Variants in MPPED2 observed in about 807,000 individuals in gnomAD.
MPPED2 encodes metallophosphoesterase domain containing 2.
Under a neutral mutation model 33.0 loss-of-function variants are expected in MPPED2, and 5 were observed. The observed-to-expected ratio is 0.15, with a 90% CI of 0.08 to 0.32. MPPED2 has a LOEUF of 0.32. Among genes scored for constraint, MPPED2 ranks in the 10% least tolerant of loss-of-function variants. The pLI, the probability that MPPED2 is intolerant of heterozygous loss-of-function variation, is 1.00. For synonymous variants in MPPED2, 136 were observed against 141.9 expected (o/e 0.96, Z 0.29); for missense variants, 275 against 372.1 (o/e 0.74, Z 2.15).
intron 4 of MPPED2, among the ~76,000 whole-genome samples, chr11:30,471,745 G>A (rs576955017): frequency 3.3e-5 from 5 of 152,272 alleles, no homozygotes; most frequent in South Asian, 2.1e-4. Flanking sequence ...GTGAGCAGGC[G>A]TTCGATAAAT....
intron 2 of MPPED2, among the ~76,000 whole-genome samples, chr11:30,575,405 C>T (rs1753787266): frequency 6.6e-6 from 1 of 152,094 alleles, no homozygotes; most frequent in Non-Finnish European, 1.5e-5. Context: ...ATGCTCACAA[C>T]CATATTAAAG....
chr11:30,478,646 T>C (rs570066997), intron 4 of MPPED2, among the ~76,000 whole-genome samples: 1 of 152,270 alleles, frequency 6.6e-6, no homozygotes, highest in Admixed American at 6.5e-5. Flanking sequence ...ATCCCCATCT[T>C]GTTCCTGGAC....
At chr11:30,505,484 T>A (rs765727506) in intron 3 of MPPED2, among the ~76,000 whole-genome samples, 1 of 152,188 alleles carries the variant, frequency 6.6e-6, no homozygotes, top group Non-Finnish European at 1.5e-5. Flanking sequence ...CCAATTATAT[T>A]CCAGTATTGC....
chr11:30,401,190 T>C (rs997567276), intron 6 of MPPED2, among the ~76,000 whole-genome samples: 2 of 152,200 alleles, frequency 1.3e-5, no homozygotes, highest in African/African-American at 4.8e-5. Flanking sequence ...TGACTGTGTG[T>C]TATAGGATAG....
intron 6 of MPPED2, among the ~76,000 whole-genome samples, chr11:30,404,416 A>G (rs1947956830): frequency 6.6e-6 from 1 of 152,226 alleles, no homozygotes; most frequent in Non-Finnish European, 1.5e-5. Flanking sequence ...AAACCATTTC[A>G]TAGAGTAAAT....
intron 4 of MPPED2, among the ~76,000 whole-genome samples, chr11:30,453,846 G>T (rs1441193008): frequency 6.6e-6 from 1 of 152,132 alleles, no homozygotes; most frequent in African/African-American, 2.4e-5. Flanking sequence ...TCTTTCTGAG[G>T]CTGGCTTTGC....
chr11:30,403,119 C>T (rs1376073705), intron 6 of MPPED2, among the ~76,000 whole-genome samples: 1 of 152,068 alleles, frequency 6.6e-6, no homozygotes, highest in Non-Finnish European at 1.5e-5. Context: ...TGGTGGCGGG[C>T]AGCTGTAGTC....
At chr11:30,388,090 C>T (rs1246233339) in exon 7 of MPPED2, 1 of 152,398 alleles carries the variant, frequency 6.6e-6, no homozygotes, top group Non-Finnish European at 1.5e-5. Flanking sequence ...ACTTGGGATG[C>T]TTTGGGAAGG....
Position 30,411,548 on chromosome 11 carries a change from T to G in MPPED2, c.805A>C (p.Asn269His), listed in dbSNP as rs986245125. The G allele has an allele frequency of 2.5e-6, 4 of 1,613,704 alleles. No individual in the cohort carries two copies. The African/African-American group carries it at 5.3e-5, about 22-fold the overall frequency. Reference sequence around the variant, plus strand: ...AAGCTGACTGTACACGTCGAGGCATTGATGTACGTTGTGTAACCGTCGGTC... The same window carrying G: ...AAGCTGACTGTACACGTCGAGGCATGGATGTACGTTGTGTAACCGTCGGTC... Reference protein sequence around the residue: ...IMTDGYTTYINASTCTVSFQP... With the variant: ...IMTDGYTTYIHASTCTVSFQP... Residue 269 changes from asparagine to histidine, a missense_variant, in exon 7 of 7, where the codon AAT (asparagine) becomes CAT (histidine). Transcript: ENST00000358117.
At chr11:30,406,240 T>G (rs1038504861), downstream of MPPED2, among the ~76,000 whole-genome samples, 1 of 152,224 alleles carries the variant, frequency 6.6e-6, no homozygotes, top group African/African-American at 2.4e-5. Context: ...TGGCAGCTGG[T>G]CCTGTGCTAC....
At chr11:30,559,202 T>C (rs761938496) in intron 2 of MPPED2, among the ~76,000 whole-genome samples, 5 of 152,276 alleles carry the variant, frequency 3.3e-5, no homozygotes, top group Non-Finnish European at 5.9e-5. Context: ...TATGTAATTC[T>C]ATGCCCTAAA....
chr11:30,385,745 A>G (rs1271696328), exon 7 of MPPED2: 1 of 151,998 alleles, frequency 6.6e-6, no homozygotes, highest in Non-Finnish European at 1.5e-5. Context: ...TGTACCTGCT[A>G]TATTCTCTGC....
intron 4 of MPPED2, among the ~76,000 whole-genome samples, chr11:30,487,837 TA>T (rs1046547333): frequency 1.2e-4 from 19 of 152,160 alleles, no homozygotes; most frequent in Admixed American, 6.5e-5. Context: ...TCAATGATCC[TA>T]TTTTCCCCTA....
intron 4 of MPPED2, among the ~76,000 whole-genome samples, chr11:30,433,301 T>C (rs538006256): frequency 4.6e-5 from 7 of 152,350 alleles, no homozygotes; most frequent in Admixed American, 6.5e-5. Flanking sequence ...GCCTGTTTGA[T>C]GTAATGGATC....
At chr11:30,469,564 T>TA (rs921308684) in intron 4 of MPPED2, among the ~76,000 whole-genome samples, 2 of 152,198 alleles carry the variant, frequency 1.3e-5, no homozygotes, top group Non-Finnish European at 2.9e-5. Flanking sequence ...TCCTATTAAG[T>TA]ACATTACTAT....
chr11:30,406,013 T>C (rs1223698441), downstream of MPPED2, among the ~76,000 whole-genome samples: 6 of 152,222 alleles, frequency 3.9e-5, no homozygotes, highest in African/African-American at 9.6e-5. Flanking sequence ...CATACACATG[T>C]ATGTCAAAAC....
intron 4 of MPPED2, among the ~76,000 whole-genome samples, chr11:30,417,922 A>G (rs1343079570): frequency 6.6e-6 from 1 of 152,122 alleles, no homozygotes; most frequent in Non-Finnish European, 1.5e-5. Flanking sequence ...GTCTTCCCCT[A>G]AATCTCAGTG....
intron 4 of MPPED2, among the ~76,000 whole-genome samples, chr11:30,469,217 T>C (rs1011800059): frequency 6.6e-6 from 1 of 152,254 alleles, no homozygotes; most frequent in African/African-American, 2.4e-5. Context: ...TAGTTTTCAC[T>C]GACTTTATGT....
At chr11:30,475,528 A>G (rs1366905426) in intron 4 of MPPED2, among the ~76,000 whole-genome samples, 2 of 152,160 alleles carry the variant, frequency 1.3e-5, no homozygotes, top group Non-Finnish European at 2.9e-5. Flanking sequence ...CTAAAATTGT[A>G]TACAAATGGA....
Sources: allele counts gnomAD v4.1 joint callset (sites outside exome capture counted in the v4.1 genomes callset), GRCh38; gene constraint gnomAD v4.1.1; transcripts MANE v1.5; gene names NCBI Gene and HGNC (gene_info 2026-07-23, HGNC 2026-07-21).